The following PDE5A variants were observed in gnomAD, a reference collection of about 807,000 sequenced individuals.
The protein encoded by PDE5A is cGMP-specific 3',5'-cyclic phosphodiesterase.
PDE5A carries 67 observed loss-of-function variants against 110.2 expected under a neutral mutation model. The observed-to-expected ratio is 0.61, with a 90% CI of 0.50 to 0.75. The LOEUF is 0.75. Among genes scored for constraint, PDE5A ranks in the 30% least tolerant of loss-of-function variants. PDE5A has a pLI of 0.00. For synonymous variants in PDE5A, 328 were observed against 351.2 expected (o/e 0.93, Z 0.74); for missense variants, 862 against 1,045.1 (o/e 0.82, Z 2.42).
In PDE5A at chr4:119,518,893, C is replaced by T. The variant is rs185564114; in HGVS notation, c.2000+152G>A. The T allele has an allele frequency of 1.2e-5, 7 of 577,998 alleles. No individual in the cohort carries two copies. The African/African-American group carries it at 1.3e-4, about 11-fold the overall frequency. The allele number at this position is 577,998 out of a possible 1,614,324, so 35.8% of individuals were successfully genotyped here. A position where few individuals can be genotyped will look rare whatever the true frequency, so the allele number is the denominator to read the frequency against. On this transcript the variant is annotated intron_variant, in intron 14 of 20. Transcript: ENST00000354960. ...GGGCTGAAAAATTATAAACATAATA[C>T]TTAACCTGCATTATTTTTTCCATTT... is the stretch of plus-strand genomic sequence containing the variant.
intron 1 of PDE5A, among the ~76,000 whole-genome samples, chr4:119,618,920 C>T (rs1317476397): frequency 6.6e-6 from 1 of 152,096 alleles, no homozygotes; most frequent in Non-Finnish European, 1.5e-5. Context: ...TCAAAAATGT[C>T]CATATAGCAA....
At chr4:119,604,185 G>C (rs1236556385) in intron 2 of PDE5A, among the ~76,000 whole-genome samples, 1 of 152,074 alleles carries the variant, frequency 6.6e-6, no homozygotes, top group Non-Finnish European at 1.5e-5. Context: ...CATCACCCTG[G>C]GAGCAGTGCA....
At chr4:119,611,992 G>A (rs7681796) in intron 1 of PDE5A, among the ~76,000 whole-genome samples, 120,457 of 152,190 alleles carry the variant, frequency 0.79, 48,021 homozygotes, top group East Asian at 0.9. Flanking sequence ...TCTATACTCC[G>A]CTGATTTTTA....
At chr4:119,599,023 T>G (rs1729248692) in intron 2 of PDE5A, among the ~76,000 whole-genome samples, 1 of 151,828 alleles carries the variant, frequency 6.6e-6, no homozygotes, top group African/African-American at 2.4e-5. Context: ...CCAGCCAGAG[T>G]AGAGAATTCA....
chr4:119,610,824 C>T (rs1285914364), intron 1 of PDE5A, among the ~76,000 whole-genome samples: 1 of 152,140 alleles, frequency 6.6e-6, no homozygotes, highest in Non-Finnish European at 1.5e-5. Flanking sequence ...GGTCCAAACC[C>T]CACTATCTCT....
At position 119,627,302 on chromosome 4, in the gene PDE5A, C is replaced by A; in HGVS notation, c.152+1218G>T. 7.7e-7 allele frequency: 1 copy of A among 1,301,538 alleles called. No homozygotes were observed. Among genetic ancestry groups the A allele is most frequent in the African/African-American group, 1.5e-5 (1 of 66,068 alleles). 80.6% of individuals were successfully genotyped at this position (1,301,538 alleles called of 1,614,324 possible). A position where few individuals can be genotyped will look rare whatever the true frequency, so the allele number is the denominator to read the frequency against. The stretch of plus-strand genomic sequence containing the variant: ...ACTCAGAACCAGCTCCCTCACGGCC[C>A]CGGCCTCCGCGCCGCCGCCCGTCGC... On this transcript the variant is annotated intron_variant, in intron 1 of 20. Coordinates refer to ENST00000354960, the MANE Select transcript of PDE5A (RefSeq NM_001083.4). This position sits in a 1 kb window ranked among gnomAD's most constrained non-coding sequence, Gnocchi z 4.6.
In PDE5A at chr4:119,604,532, T is replaced by A. The variant is rs558426967; in HGVS notation, c.741+2177A>T. ...CCTTAATACCCCTCTTGGAATCTGCTACAGTGTGAAGTTATTACAGAGCTC... is the reference window on the plus strand; with the variant it reads ...CCTTAATACCCCTCTTGGAATCTGCAACAGTGTGAAGTTATTACAGAGCTC... On this transcript the variant is annotated intron_variant, in intron 2 of 20. Coordinates refer to ENST00000354960, the MANE Select transcript of PDE5A (RefSeq NM_001083.4). Among the ~76,000 whole-genome samples the A allele has an allele frequency of 8.5e-5, 13 of 152,270 alleles. No homozygotes were observed. The South Asian group carries it at 2.7e-3, about 32-fold the overall frequency.
intron 13 of PDE5A, among the ~76,000 whole-genome samples, chr4:119,520,398 G>A (rs1049218651): frequency 2.6e-5 from 4 of 152,078 alleles, no homozygotes; most frequent in East Asian, 1.9e-4. Context: ...TTACTTGAAC[G>A]TTTTCTGCAT....
In PDE5A at chr4:119,545,031, A is replaced by G. The variant is rs147330567; in HGVS notation, c.1397-2397T>C. Among the ~76,000 whole-genome samples the G allele has an allele frequency of 5.4e-3, 817 of 152,100 alleles. 11 individuals carry two copies. Among genetic ancestry groups the G allele is most frequent in the African/African-American group, 0.019 (779 of 41,494 alleles). On this transcript the variant is annotated intron_variant, in intron 9 of 20. Transcript: ENST00000354960. ...AGCTCTGGGGAAAACAACAACAACA[A>G]CAGCAACAAAAATGGGTACTGAAGA... is the stretch of plus-strand genomic sequence containing the variant.
At chr4:119,593,860 GCAGA>G (rs1457143135) in intron 3 of PDE5A, among the ~76,000 whole-genome samples, 2 of 152,220 alleles carry the variant, frequency 1.3e-5, no homozygotes, top group East Asian at 3.9e-4. Context: ...TACAATCATG[GCAGA>G]AGGCAAAGGA....
At chr4:119,518,273 C>T (rs902849462) in intron 14 of PDE5A, among the ~76,000 whole-genome samples, 1 of 152,182 alleles carries the variant, frequency 6.6e-6, no homozygotes, top group African/African-American at 2.4e-5. Context: ...GACCTTTCAA[C>T]TAAATTCCTG....
chr4:119,506,023 G>GA (rs201397590), intron 16 of PDE5A, 91 bp from the exon 17 acceptor site: 96 of 594,980 alleles, frequency 1.6e-4, no homozygotes, highest in African/African-American at 1.2e-3. Flanking sequence ...AAATTTTGGT[G>GA]AAAAAAAACC....
At chr4:119,592,507 C>G (rs1181489704) in intron 3 of PDE5A, among the ~76,000 whole-genome samples, 1 of 139,024 alleles carries the variant, frequency 7.2e-6, no homozygotes, top group Non-Finnish European at 1.5e-5. Flanking sequence ...TGGAAGCCCT[C>G]TCTTGAATAA....
Position 119,562,821 on chromosome 4 carries a change from C to A in PDE5A, c.1131+12G>T. 6.5e-7 allele frequency: 1 copy of A among 1,545,834 alleles called. No individual in the cohort carries two copies. On this transcript the variant is annotated intron_variant, in intron 6 of 20. Coordinates refer to ENST00000354960, the MANE Select transcript of PDE5A (RefSeq NM_001083.4). ...TCTTTCTAAAAATAAAAAAGTCATACTCTGTACTCACGGAGCAATCTTCAT... is the reference window on the plus strand; with the variant it reads ...TCTTTCTAAAAATAAAAAAGTCATAATCTGTACTCACGGAGCAATCTTCAT...
At chr4:119,598,258 T>A (rs1332483205) in intron 2 of PDE5A, among the ~76,000 whole-genome samples, 2 of 152,182 alleles carry the variant, frequency 1.3e-5, no homozygotes, top group African/African-American at 4.8e-5. Flanking sequence ...CTTTCACATA[T>A]TTTTTGTGTC....
intron 3 of PDE5A, among the ~76,000 whole-genome samples, chr4:119,570,671 CCA>C (rs1168402507): frequency 6.6e-6 from 1 of 152,116 alleles, no homozygotes; most frequent in Non-Finnish European, 1.5e-5. Context: ...AGCAGCTGCC[CCA>C]GACATTTACT....
Position 119,606,810 on chromosome 4 carries a change from C to G in PDE5A, c.640G>C (p.Glu214Gln). 1 of 1,614,176 alleles carries G rather than the reference C, an allele frequency of 6.2e-7. No individual in the cohort carries two copies. Among genetic ancestry groups the G allele is most frequent in the Non-Finnish European group, 8.5e-7 (1 of 1,180,038 alleles). ...CGGATACAGTTATTTGAAACTTCTT[C>G]CAGTGTTGAACCTTCAGCAACATCA... ...LFDVAEGSTL[E>Q]EVSNNCIRLE... The change falls in exon 2 of 21, where the codon GAA (glutamate) becomes CAA (glutamine). Residue 214 changes from glutamate to glutamine, a missense_variant. By Grantham distance (29) the Glu-to-Gln change is conservative. Coordinates refer to ENST00000354960, the MANE Select transcript of PDE5A (RefSeq NM_001083.4).
intron 14 of PDE5A, among the ~76,000 whole-genome samples, chr4:119,516,257 G>T (rs1049967741): frequency 6.6e-6 from 1 of 152,162 alleles, no homozygotes; most frequent in African/African-American, 2.4e-5. Flanking sequence ...ATACTTTCTT[G>T]TAGTGATCAC....
intron 11 of PDE5A, among the ~76,000 whole-genome samples, chr4:119,534,114 C>A (rs1169454780): frequency 1.3e-5 from 2 of 152,050 alleles, no homozygotes; most frequent in Non-Finnish European, 2.9e-5. Flanking sequence ...AACATGTAGC[C>A]CAGTTAATGT....
Sources: gnomAD v4.1 joint callset for allele counts (sites outside exome capture counted in the v4.1 genomes callset) on GRCh38, gnomAD v4.1.1 for gene constraint, Gnocchi (gnomAD v3.1) non-coding constraint, MANE v1.5 for transcripts, NCBI Gene and HGNC (gene_info 2026-07-23, HGNC 2026-07-21) for gene names.